RCAN2: variants seen among roughly 807,000 people sequenced by gnomAD.
RCAN2 encodes the protein regulator of calcineurin 2.
A neutral mutation model predicts 23.6 loss-of-function variants in RCAN2; 9 were observed. That is an observed-to-expected ratio of 0.38 (90% CI 0.23 to 0.67). RCAN2 has a LOEUF of 0.67. RCAN2 is among the 30% of genes least tolerant of loss of function. RCAN2 has a pLI of 0.51. For synonymous variants in RCAN2, 109 were observed against 115.7 expected (o/e 0.94, Z 0.37); for missense variants, 273 against 302.3 (o/e 0.90, Z 0.72).
chr6:46,265,323 C>T (rs1414514007), intron 2 of RCAN2, among the ~76,000 whole-genome samples: 1 of 152,040 alleles, frequency 6.6e-6, no homozygotes, highest in Non-Finnish European at 1.5e-5. Context: ...AACAAAACTT[C>T]AGGATTGTTG....
chr6:46,293,957 G>C (rs1762642172), intron 2 of RCAN2, among the ~76,000 whole-genome samples: 1 of 152,114 alleles, frequency 6.6e-6, no homozygotes, highest in African/African-American at 2.4e-5. Flanking sequence ...TTGAGAATTG[G>C]AAAGACTTCA....
intron 1 of RCAN2, among the ~76,000 whole-genome samples, chr6:46,471,932 C>T (rs1164546419): frequency 6.6e-6 from 1 of 152,134 alleles, no homozygotes; most frequent in Non-Finnish European, 1.5e-5. Flanking sequence ...TACCTCTTAC[C>T]ACCTGCTAGC....
At chr6:46,381,899 C>T (rs896856680) in intron 2 of RCAN2, among the ~76,000 whole-genome samples, 1 of 152,188 alleles carries the variant, frequency 6.6e-6, no homozygotes. Context: ...CTCCAGAGTC[C>T]ATGGCTTATA....
chr6:46,405,345 C>T (rs549003763), intron 2 of RCAN2, among the ~76,000 whole-genome samples: 2 of 152,216 alleles, frequency 1.3e-5, no homozygotes, highest in African/African-American at 4.8e-5. Context: ...TGGAAGGGGA[C>T]CCGAGCGGGT....
intron 2 of RCAN2, among the ~76,000 whole-genome samples, chr6:46,310,375 C>A (rs1763216396): frequency 6.6e-6 from 1 of 152,024 alleles, no homozygotes; most frequent in South Asian, 2.1e-4. Flanking sequence ...TACTTCCATG[C>A]ACAAGAAAGA....
At chr6:46,363,056 G>A (rs1765061923) in intron 2 of RCAN2, among the ~76,000 whole-genome samples, 4 of 152,134 alleles carry the variant, frequency 2.6e-5, no homozygotes, top group Admixed American at 2.6e-4. Flanking sequence ...TAAGAATTAT[G>A]CCTTTTGAAA....
intron 2 of RCAN2, among the ~76,000 whole-genome samples, chr6:46,249,317 C>CTTTT (rs11331303): frequency 1.0e-4 from 10 of 97,100 alleles, no homozygotes; most frequent in Admixed American, 3.1e-4. Flanking sequence ...TTCTTTCTTT[C>CTTTT]TTTTTTTTTT....
intron 2 of RCAN2, among the ~76,000 whole-genome samples, chr6:46,418,624 G>A (rs565702232): frequency 2.6e-5 from 4 of 150,968 alleles, no homozygotes; most frequent in Non-Finnish European, 5.9e-5. Flanking sequence ...CACTCTGGGG[G>A]AGTGGCTTAA....
chr6:46,340,239 C>T (rs1273419398), intron 2 of RCAN2, among the ~76,000 whole-genome samples: 1 of 152,094 alleles, frequency 6.6e-6, no homozygotes, highest in African/African-American at 2.4e-5. Flanking sequence ...CTCCACTATC[C>T]AACTCCTTAA....
At chr6:46,287,864 GTGA>G (rs1762422745) in intron 2 of RCAN2, among the ~76,000 whole-genome samples, 1 of 152,216 alleles carries the variant, frequency 6.6e-6, no homozygotes, top group South Asian at 2.1e-4. Context: ...CTGTAAGATG[GTGA>G]TGATATCAGC....
In RCAN2 at chr6:46,320,011, C is replaced by T. The variant is rs537852915; in HGVS notation, c.226-71115G>A. Among the ~76,000 whole-genome samples the T allele has an allele frequency of 5.3e-5, 8 of 152,238 alleles. No individual in the cohort carries two copies. In the South Asian group the frequency reaches 1.7e-3, roughly 32 times the overall value. On this transcript the variant is annotated intron_variant, in intron 2 of 4. Transcript: ENST00000371374. Reference sequence around the variant, plus strand: ...GGAATGAGCATTTCAGTTGACTTCACGTTTTGGTTACTGAACGTTAATTAC... The same window carrying T: ...GGAATGAGCATTTCAGTTGACTTCATGTTTTGGTTACTGAACGTTAATTAC...
At chr6:46,425,718 TAA>T (rs1377303321) in intron 2 of RCAN2, among the ~76,000 whole-genome samples, 1 of 151,636 alleles carries the variant, frequency 6.6e-6, no homozygotes, top group African/African-American at 2.4e-5. Context: ...CTACTTACCT[TAA>T]AAAAAACAGC....
chr6:46,329,523 A>G (rs1379197835), intron 2 of RCAN2, among the ~76,000 whole-genome samples: 1 of 152,158 alleles, frequency 6.6e-6, no homozygotes, highest in East Asian at 1.9e-4. Flanking sequence ...TACTCTAATA[A>G]ACATCTGAAA....
chr6:46,401,647 G>A (rs1406890855), intron 2 of RCAN2, among the ~76,000 whole-genome samples: 1 of 152,202 alleles, frequency 6.6e-6, no homozygotes, highest in African/African-American at 2.4e-5. Flanking sequence ...ACGGGTGGAA[G>A]TAGCTAGCGT....
At chr6:46,467,981 A>G (rs564244189) in intron 1 of RCAN2, among the ~76,000 whole-genome samples, 3 of 152,130 alleles carry the variant, frequency 2.0e-5, no homozygotes, top group Non-Finnish European at 4.4e-5. Context: ...TTTCTACAAC[A>G]ATTTTACTTT....
intron 2 of RCAN2, among the ~76,000 whole-genome samples, chr6:46,273,950 C>T (rs1323896848): frequency 3.3e-5 from 5 of 151,794 alleles, no homozygotes; most frequent in African/African-American, 1.2e-4. Flanking sequence ...GGCCTGTAGT[C>T]GTCTCTATGA....
chr6:46,373,144 C>T (rs1169298865), intron 2 of RCAN2, among the ~76,000 whole-genome samples: 2 of 152,252 alleles, frequency 1.3e-5, no homozygotes, highest in South Asian at 4.1e-4. Flanking sequence ...TAAGAAATTA[C>T]TGTTAATTAA....
At chr6:46,469,153 G>A (rs1253824188) in intron 1 of RCAN2, among the ~76,000 whole-genome samples, 2 of 152,120 alleles carry the variant, frequency 1.3e-5, no homozygotes, top group Non-Finnish European at 2.9e-5. Context: ...CCCTTGGCCT[G>A]TTCAACCAAG....
intron 1 of RCAN2, among the ~76,000 whole-genome samples, chr6:46,472,493 C>T (rs941660839): frequency 3.3e-5 from 5 of 152,118 alleles, no homozygotes; most frequent in Non-Finnish European, 5.9e-5. Flanking sequence ...TGTGACTCTC[C>T]GCATCCCATT....
Sources: gnomAD v4.1 joint callset for allele counts (sites outside exome capture counted in the v4.1 genomes callset) on GRCh38, gnomAD v4.1.1 for gene constraint, MANE v1.5 for transcripts, NCBI Gene and HGNC (gene_info 2026-07-23, HGNC 2026-07-21) for gene names.